The following FHAD1 variants were observed in gnomAD, a reference collection of about 807,000 sequenced individuals.
The protein encoded by FHAD1 is forkhead associated phosphopeptide binding domain 1, also known as forkhead-associated domain-containing protein 1.
A neutral mutation model predicts 191.3 loss-of-function variants in FHAD1; 146 were observed. That is an observed-to-expected ratio of 0.76 (90% CI 0.67 to 0.88). The LOEUF is 0.88. Ranked by LOEUF, FHAD1 falls within the 40% of genes least tolerant of loss-of-function variation. The pLI, the probability that FHAD1 is intolerant of heterozygous loss-of-function variation, is 0.00. For synonymous variants in FHAD1, 616 were observed against 672.3 expected (o/e 0.92, Z 1.29); for missense variants, 1,635 against 1,785.8 (o/e 0.92, Z 1.52).
Position 15,276,343 on chromosome 1 carries a change from C to T in FHAD1, c.300+3814C>T, listed in dbSNP as rs1300289668. Among the ~76,000 whole-genome samples, 2 of 152,218 alleles carry T rather than the reference C, an allele frequency of 1.3e-5. No homozygotes were observed. Among genetic ancestry groups the T allele is most frequent in the African/African-American group, 2.4e-5 (1 of 41,452 alleles). On this transcript the variant is annotated intron_variant, in intron 3 of 33. Coordinates refer to ENST00000688493, the MANE Select transcript of FHAD1 (RefSeq NM_001391957.1). The surrounding 1 kb of genome is among the most constrained non-coding windows in gnomAD (Gnocchi z 4.7). ...GTGAGCCTTCCCATGGACAGAAAAC[C>T]TCCCAAGACCTCCCAACTACCAGGT...
chr1:15,347,576 A>T (rs969429097), intron 18 of FHAD1, among the ~76,000 whole-genome samples: 1 of 152,172 alleles, frequency 6.6e-6, no homozygotes, highest in African/African-American at 2.4e-5. Context: ...CAGCCTCCCA[A>T]GTAGCTGGGA....
intron 5 of FHAD1, among the ~76,000 whole-genome samples, chr1:15,297,248 A>G (rs1226621093): frequency 6.6e-6 from 1 of 152,220 alleles, no homozygotes; most frequent in Non-Finnish European, 1.5e-5. Context: ...CTTGTTAAAG[A>G]ACCAGAGAGG....
At chr1:15,323,994 A>C (rs971419697) in intron 10 of FHAD1, among the ~76,000 whole-genome samples, 1 of 152,218 alleles carries the variant, frequency 6.6e-6, no homozygotes, top group African/African-American at 2.4e-5. Flanking sequence ...GACTCTGTAT[A>C]GTGGCTACTG....
chr1:15,345,679 G>A, intron 18 of FHAD1, 156 bp downstream of exon 18: 1 of 643,556 alleles, frequency 1.6e-6, no homozygotes, highest in Non-Finnish European at 2.8e-6. Flanking sequence ...AAGCGTGGGA[G>A]ACTCAAGGAG....
chr1:15,350,223 C>G (rs1690361477), intron 19 of FHAD1, among the ~76,000 whole-genome samples: 1 of 152,272 alleles, frequency 6.6e-6, no homozygotes, highest in South Asian at 2.1e-4. Flanking sequence ...GCAAGACAGA[C>G]CAGGGCCAGG....
rs1699072567 is a variant in FHAD1, at chr1:15,374,723, C to T, written c.3577+92C>T. 3.3e-5 allele frequency: 49 copies of T among 1,471,048 alleles called. 3 individuals carry two copies. In the South Asian group the frequency reaches 6.2e-4, roughly 19 times the overall value. 91.1% of individuals were successfully genotyped at this position (1,471,048 alleles called of 1,614,324 possible). ...GTTTGCCAGGACTACCATGTTTTAT[C>T]TGCATCATCCCAGAACTTGGAGGAC... On this transcript the variant is annotated intron_variant, in intron 27 of 33. Coordinates refer to ENST00000688493, the MANE Select transcript of FHAD1 (RefSeq NM_001391957.1).
At chr1:15,292,189 C>A (rs1238190799) in intron 4 of FHAD1, among the ~76,000 whole-genome samples, 1 of 152,082 alleles carries the variant, frequency 6.6e-6, no homozygotes, top group Non-Finnish European at 1.5e-5. Context: ...ACTCTGTCTC[C>A]CAGGCTGGAG....
rs2102987662 is a variant in FHAD1 at position 15,381,234 on chromosome 1, C to T, written c.3805C>T (p.Leu1269=). 1 of 1,550,978 alleles carries T rather than the reference C, an allele frequency of 6.4e-7. No individual in the cohort carries two copies. Among genetic ancestry groups the T allele is most frequent in the Non-Finnish European group, 8.7e-7 (1 of 1,146,416 alleles). The change falls in exon 30 of 34, where the codon CTG becomes TTG. Residue 1269 remains leucine, a synonymous_variant. Coordinates refer to ENST00000688493, the MANE Select transcript of FHAD1 (RefSeq NM_001391957.1). This position sits in a 1 kb window ranked among gnomAD's most constrained non-coding sequence, Gnocchi z 4.6. ...TGCGCGAACGTTTTCCTTGTAGTAC[C>T]TGGATATGAGCAAAACCCTCGGAAG... ...EALELSEKLY[L]DMSKTLGSLM...
intron 31 of FHAD1, among the ~76,000 whole-genome samples, chr1:15,386,659 G>A (rs1344947029): frequency 2.6e-5 from 4 of 152,160 alleles, no homozygotes; most frequent in African/African-American, 9.7e-5. Context: ...TTTGCCACGC[G>A]GTCTCAGCTG....
intron 4 of FHAD1, among the ~76,000 whole-genome samples, chr1:15,293,688 A>G (rs1448569511): frequency 6.6e-6 from 1 of 152,230 alleles, no homozygotes; most frequent in Non-Finnish European, 1.5e-5. Context: ...ACTGCACTCC[A>G]GCCTGGGCGG....
At chr1:15,240,832 C>T (rs187529359) in intron 1 of FHAD1, among the ~76,000 whole-genome samples, 1 of 151,686 alleles carries the variant, frequency 6.6e-6, no homozygotes, top group East Asian at 1.9e-4. Flanking sequence ...TGGCACTTGC[C>T]TGTAGTCCCA....
intron 3 of FHAD1, among the ~76,000 whole-genome samples, chr1:15,287,949 A>G (rs1367314126): frequency 6.6e-6 from 1 of 152,200 alleles, no homozygotes; most frequent in Admixed American, 6.5e-5. Context: ...TCTCTGGGCT[A>G]CAGAAGGAGA....
chr1:15,386,548 G>A (rs1256182993), intron 31 of FHAD1, among the ~76,000 whole-genome samples: 1 of 152,248 alleles, frequency 6.6e-6, no homozygotes, highest in Non-Finnish European at 1.5e-5. Context: ...ACTTGAGTGT[G>A]AGAACCACTG....
chr1:15,344,874 G>A (rs1688233611), intron 16 of FHAD1, among the ~76,000 whole-genome samples: 1 of 152,160 alleles, frequency 6.6e-6, no homozygotes, highest in East Asian at 1.9e-4. Context: ...CACTTCCCCA[G>A]TGCCTTACAG....
At chr1:15,348,560 C>G (rs558208107) in intron 18 of FHAD1, among the ~76,000 whole-genome samples, 2 of 152,176 alleles carry the variant, frequency 1.3e-5, no homozygotes, top group South Asian at 4.1e-4. Flanking sequence ...TATCGTGGCT[C>G]ATTAGTCCAA....
intron 18 of FHAD1, among the ~76,000 whole-genome samples, chr1:15,345,861 T>C (rs1393690597): frequency 6.6e-6 from 1 of 152,138 alleles, no homozygotes; most frequent in Non-Finnish European, 1.5e-5. Flanking sequence ...ACCTCAGGGC[T>C]GCGTGGACCC....
At chr1:15,389,222 G>A (rs1367594015) in intron 32 of FHAD1, among the ~76,000 whole-genome samples, 1 of 152,004 alleles carries the variant, frequency 6.6e-6, no homozygotes, top group Admixed American at 6.6e-5. Flanking sequence ...AAGACAGCCG[G>A]ATGGCTTCAA....
intron 2 of FHAD1, among the ~76,000 whole-genome samples, 156 bp from the exon 3 acceptor site, chr1:15,272,167 C>T (rs1171077779): frequency 1.3e-5 from 2 of 152,160 alleles, no homozygotes; most frequent in Non-Finnish European, 1.5e-5. Flanking sequence ...TTGGGCAAGT[C>T]GCTTAACCTC....
chr1:15,397,430 C>A lies in FHAD1; in HGVS notation c.*17C>A. The A allele has an allele frequency of 1.5e-6, 2 of 1,336,232 alleles. No homozygotes were observed. Among genetic ancestry groups the A allele is most frequent in the Non-Finnish European group, 2.1e-6 (2 of 965,606 alleles). 82.8% of individuals were successfully genotyped at this position (1,336,232 alleles called of 1,614,324 possible). On this transcript the variant is annotated 3_prime_UTR_variant, in exon 34 of 34. Coordinates refer to ENST00000688493, the MANE Select transcript of FHAD1 (RefSeq NM_001391957.1). Reference sequence around the variant, plus strand: ...AAGTACTAGAGAAACCTCGTCCCACCAGGCCTCATGTGATCCTCTGTGAGT... The same window carrying A: ...AAGTACTAGAGAAACCTCGTCCCACAAGGCCTCATGTGATCCTCTGTGAGT...
Sources: gnomAD v4.1 joint callset for allele counts (sites outside exome capture counted in the v4.1 genomes callset) on GRCh38, gnomAD v4.1.1 for gene constraint, Gnocchi (gnomAD v3.1) non-coding constraint, MANE v1.5 for transcripts, NCBI Gene and HGNC (gene_info 2026-07-23, HGNC 2026-07-21) for gene names.